SRD5A2: variants seen among roughly 807,000 people sequenced by gnomAD.
SRD5A2 encodes steroid 5 alpha-reductase 2, also known as 3-oxo-5-alpha-steroid 4-dehydrogenase 2.
A neutral mutation model predicts 27.4 loss-of-function variants in SRD5A2; 30 were observed. The observed-to-expected ratio is 1.10, with a 90% confidence interval of 0.82 to 1.49. SRD5A2 has a LOEUF of 1.49. Among genes scored for constraint, SRD5A2 ranks in the 40% most tolerant of loss-of-function variants. SRD5A2 has a pLI of 0.00. For missense variants in SRD5A2, 348 were observed against 323.4 expected (o/e 1.08, Z -0.58); for synonymous variants, 141 against 133.6 (o/e 1.06, Z -0.38).
At chr2:31,563,341 C>T (rs1666664571) in intron 1 of SRD5A2, 1 of 150,892 alleles carries the variant, frequency 6.6e-6, no homozygotes, top group South Asian at 2.1e-4. Flanking sequence ...TGCTTCCAGT[C>T]AAGGAGGAAT....
At chr2:31,590,922 T>A in the SRD5A2 span, among the ~76,000 whole-genome samples, 1 of 152,190 alleles carries the variant, frequency 6.6e-6, no homozygotes, top group Non-Finnish European at 1.5e-5. Context: ...TTACACTTTA[T>A]ACAAAAATTA....
chr2:31,565,995 G>A (rs2148093100), intron 1 of SRD5A2, among the ~76,000 whole-genome samples: 1 of 152,160 alleles, frequency 6.6e-6, no homozygotes, highest in East Asian at 1.9e-4. Context: ...TTAAAAGGAT[G>A]TATGTCATAC....
In SRD5A2 at chr2:31,524,690, T is replaced by C; in HGVS notation, c.*1506A>G. The C allele has an allele frequency of 4.3e-6, 1 of 231,434 alleles. No homozygotes were observed. The highest frequency in any genetic ancestry group is 8.6e-6 in the Non-Finnish European group (1 of 116,846). 14.3% of individuals were successfully genotyped at this position (231,434 alleles called of 1,614,324 possible). ...ATCCTCAGACCTTTCAAGTTTCCTA[T>C]GTGACTTATATAGTGAGTTTCTGTG... On this transcript the variant is annotated 3_prime_UTR_variant, in exon 5 of 5. Coordinates refer to ENST00000622030, the MANE Select transcript of SRD5A2 (RefSeq NM_000348.4).
the SRD5A2 span, among the ~76,000 whole-genome samples, chr2:31,616,740 T>C: frequency 1.3e-5 from 2 of 152,178 alleles, no homozygotes; most frequent in African/African-American, 4.8e-5. Context: ...CTTTGGACTG[T>C]GGACTTTGAG....
At chr2:31,566,609 T>A (rs17546253) in intron 1 of SRD5A2, among the ~76,000 whole-genome samples, 1,735 of 152,328 alleles carry the variant, frequency 0.011, 18 homozygotes, top group South Asian at 0.032. Context: ...TGTTAAGGGA[T>A]CATCAACATC....
chr2:31,641,408 G>T, the SRD5A2 span, among the ~76,000 whole-genome samples: 1 of 152,072 alleles, frequency 6.6e-6, no homozygotes, highest in Non-Finnish European at 1.5e-5. Context: ...TGAAAAATGA[G>T]GGTAAAATAA....
intron 1 of SRD5A2, among the ~76,000 whole-genome samples, chr2:31,557,965 C>T (rs1331755160): frequency 2.0e-5 from 3 of 152,288 alleles, no homozygotes; most frequent in Admixed American, 1.3e-4. Context: ...ACTTTCAGAT[C>T]GGCACTATGA....
chr2:31,565,974 A>C (rs1666720498), intron 1 of SRD5A2, among the ~76,000 whole-genome samples: 1 of 152,098 alleles, frequency 6.6e-6, no homozygotes, highest in South Asian at 2.1e-4. Flanking sequence ...CAAGTTTTAA[A>C]TTCAGTAAGT....
the SRD5A2 span, among the ~76,000 whole-genome samples, chr2:31,589,719 A>T: frequency 6.6e-6 from 1 of 152,096 alleles, no homozygotes; most frequent in African/African-American, 2.4e-5. Context: ...ATTTTGGCTG[A>T]GTACGAATTT....
chr2:31,627,126 A>C, the SRD5A2 span, among the ~76,000 whole-genome samples: 4 of 151,824 alleles, frequency 2.6e-5, no homozygotes, highest in African/African-American at 9.7e-5. Context: ...TTTCTTCTAG[A>C]TTTTCTAGTT....
At chr2:31,658,194 A>G in the SRD5A2 span, among the ~76,000 whole-genome samples, 1 of 152,184 alleles carries the variant, frequency 6.6e-6, no homozygotes, top group African/African-American at 2.4e-5. Context: ...CAAAGAAACA[A>G]CATATGAGAA....
chr2:31,536,258 T>G (rs1018950029), intron 1 of SRD5A2, among the ~76,000 whole-genome samples: 6 of 152,206 alleles, frequency 3.9e-5, no homozygotes, highest in Non-Finnish European at 7.4e-5. Flanking sequence ...CAGGGCAGGC[T>G]CACTACTGTA....
chr2:31,600,399 G>C, the SRD5A2 span, among the ~76,000 whole-genome samples: 4 of 151,906 alleles, frequency 2.6e-5, no homozygotes, highest in Non-Finnish European at 4.4e-5. Flanking sequence ...ACCTCTTTGA[G>C]GAATCACTAC....
At chr2:31,537,149 T>C (rs1220797653) in intron 1 of SRD5A2, among the ~76,000 whole-genome samples, 1 of 152,238 alleles carries the variant, frequency 6.6e-6, no homozygotes, top group Non-Finnish European at 1.5e-5. Context: ...TTGAAGACTT[T>C]TCACTATATG....
At chr2:31,618,337 C>A in the SRD5A2 span, among the ~76,000 whole-genome samples, 1 of 152,012 alleles carries the variant, frequency 6.6e-6, no homozygotes, top group Non-Finnish European at 1.5e-5. Flanking sequence ...ATATCAGTAT[C>A]CAAAGGAAAT....
At chr2:31,599,893 T>C in the SRD5A2 span, among the ~76,000 whole-genome samples, 1 of 151,924 alleles carries the variant, frequency 6.6e-6, no homozygotes, top group Non-Finnish European at 1.5e-5. Context: ...AGGTAAACTC[T>C]TATCCTGTGG....
the SRD5A2 span, among the ~76,000 whole-genome samples, chr2:31,642,546 C>G: frequency 6.6e-6 from 1 of 151,996 alleles, no homozygotes; most frequent in South Asian, 2.1e-4. Flanking sequence ...AATGCCATTA[C>G]ACATTTACTA....
chr2:31,549,122 T>TTA (rs1666327859), intron 1 of SRD5A2, among the ~76,000 whole-genome samples: 1 of 145,294 alleles, frequency 6.9e-6, no homozygotes, highest in African/African-American at 2.6e-5. Context: ...ATTATTATTA[T>TTA]TATTATTTAA....
chr2:31,612,128 TAA>T, the SRD5A2 span, among the ~76,000 whole-genome samples: 1 of 151,318 alleles, frequency 6.6e-6, no homozygotes, highest in East Asian at 1.9e-4. Context: ...AAATAAAAAA[TAA>T]AATAGCCAGG....
Sources: allele counts gnomAD v4.1 joint callset (sites outside exome capture counted in the v4.1 genomes callset), GRCh38; gene constraint gnomAD v4.1.1; transcripts MANE v1.5; gene names NCBI Gene and HGNC (gene_info 2026-07-23, HGNC 2026-07-21).